CNTNAP2: variants seen among roughly 807,000 people sequenced by gnomAD.
The protein encoded by CNTNAP2 is contactin associated protein 2.
A neutral mutation model predicts 155.2 loss-of-function variants in CNTNAP2; 98 were observed. The observed-to-expected ratio is 0.63, with a 90% CI of 0.54 to 0.75. CNTNAP2 has a LOEUF of 0.75. CNTNAP2 is among the 30% of genes least tolerant of loss of function. The pLI is 0.00. For synonymous variants in CNTNAP2, 651 were observed against 631.2 expected (o/e 1.03, Z -0.47); for missense variants, 1,727 against 1,688.1 (o/e 1.02, Z -0.40).
At chr7:147,265,837 A>G (rs1804595591) in intron 8 of CNTNAP2, among the ~76,000 whole-genome samples, 1 of 152,044 alleles carries the variant, frequency 6.6e-6, no homozygotes, top group African/African-American at 2.4e-5. Context: ...CTTAGGTGAC[A>G]TCTCCAAGTG....
At chr7:148,185,991 A>G (rs927565738) in intron 18 of CNTNAP2, among the ~76,000 whole-genome samples, 1 of 152,238 alleles carries the variant, frequency 6.6e-6, no homozygotes, top group Non-Finnish European at 1.5e-5. Flanking sequence ...TTAAAATATC[A>G]AGGACTATTC....
At chr7:146,899,662 G>A (rs944138162) in intron 3 of CNTNAP2, among the ~76,000 whole-genome samples, 6 of 152,122 alleles carry the variant, frequency 3.9e-5, no homozygotes, top group Admixed American at 2.6e-4. Context: ...ATAGGCTCAC[G>A]GAAGAAGAAC....
chr7:147,393,384 A>G (rs1221471236), intron 9 of CNTNAP2, among the ~76,000 whole-genome samples: 5 of 151,918 alleles, frequency 3.3e-5, no homozygotes. Flanking sequence ...GTATTTATGC[A>G]GCTGCTGTGC....
chr7:146,771,656 A>G (rs1430696507), intron 1 of CNTNAP2, among the ~76,000 whole-genome samples: 1 of 152,182 alleles, frequency 6.6e-6, no homozygotes, highest in Non-Finnish European at 1.5e-5. Context: ...ACTAAGAAAA[A>G]TAAGCAATTT....
At chr7:146,784,375 G>T (rs189217725) in intron 2 of CNTNAP2, among the ~76,000 whole-genome samples, 6 of 152,040 alleles carry the variant, frequency 3.9e-5, no homozygotes, top group African/African-American at 1.4e-4. Flanking sequence ...GGAAGTTTGC[G>T]AATAATTCAT....
chr7:147,269,237 T>C (rs1008714103), intron 8 of CNTNAP2, among the ~76,000 whole-genome samples: 8 of 152,206 alleles, frequency 5.3e-5, no homozygotes, highest in Admixed American at 2.0e-4. Flanking sequence ...AAATGCACTT[T>C]TATTTCTTCT....
intron 8 of CNTNAP2, among the ~76,000 whole-genome samples, chr7:147,229,352 A>G (rs1176379500): frequency 2.0e-5 from 3 of 152,192 alleles, no homozygotes; most frequent in Non-Finnish European, 2.9e-5. Context: ...TTGGTTTTGA[A>G]TCAATAAAAG....
chr7:146,260,472 C>T (rs567603091), intron 1 of CNTNAP2, among the ~76,000 whole-genome samples: 16 of 152,314 alleles, frequency 1.1e-4, no homozygotes, highest in African/African-American at 3.8e-4. Context: ...GGGGCTGTAT[C>T]CTGCAGAGCC....
intron 3 of CNTNAP2, among the ~76,000 whole-genome samples, chr7:146,842,346 T>C (rs1803744365): frequency 6.6e-6 from 1 of 152,170 alleles, no homozygotes; most frequent in African/African-American, 2.4e-5. Context: ...TCTCCCTTTC[T>C]GGTGTTCACT....
At chr7:147,435,890 A>G (rs977905851) in intron 10 of CNTNAP2, among the ~76,000 whole-genome samples, 10 of 152,236 alleles carry the variant, frequency 6.6e-5, no homozygotes, top group Admixed American at 2.0e-4. Flanking sequence ...CTGGCAAATT[A>G]TAAGTATGTA....
chr7:146,765,959 C>T (rs953269568), intron 1 of CNTNAP2, among the ~76,000 whole-genome samples: 5 of 151,814 alleles, frequency 3.3e-5, no homozygotes, highest in Admixed American at 6.6e-5. Flanking sequence ...GCTTAGTGAC[C>T]CAGAGAAGGA....
intron 1 of CNTNAP2, among the ~76,000 whole-genome samples, chr7:146,552,023 G>T (rs573713189): frequency 1.3e-5 from 2 of 152,026 alleles, no homozygotes; most frequent in South Asian, 4.1e-4. Context: ...ACTGGAAATA[G>T]ATAAAAAATG....
chr7:147,804,948 G>A, intron 13 of CNTNAP2, among the ~76,000 whole-genome samples: 1 of 152,176 alleles, frequency 6.6e-6, no homozygotes, highest in East Asian at 1.9e-4. Context: ...ATGAGCATCA[G>A]GGCACTTGTC....
At chr7:148,335,733 C>T (rs1490045201) in intron 21 of CNTNAP2, among the ~76,000 whole-genome samples, 1 of 152,210 alleles carries the variant, frequency 6.6e-6, no homozygotes, top group Non-Finnish European at 1.5e-5. Context: ...CCTTCATCTC[C>T]GTCTGCTGAC....
rs1411242533 is a variant in CNTNAP2, at chr7:147,844,756, T to A, written c.2099-58809T>A. On this transcript the variant is annotated intron_variant, in intron 13 of 23. Transcript: ENST00000361727. Reference sequence around the variant, plus strand: ...TTGTCATAGATAGCTCTTATTATTTTGAAATACGTCCCATCAATACCTAAT... The same window carrying A: ...TTGTCATAGATAGCTCTTATTATTTAGAAATACGTCCCATCAATACCTAAT... 8.8e-5 allele frequency among the ~76,000 whole-genome samples: 5 copies of A among 56,626 alleles called. No homozygotes were observed. In the South Asian group the frequency reaches 4.6e-3, roughly 52 times the overall value. The allele number at this position is 56,626 out of a possible 152,430, so 37.1% of individuals were successfully genotyped here.
chr7:146,551,323 G>A (rs934058417), intron 1 of CNTNAP2, among the ~76,000 whole-genome samples: 5 of 151,948 alleles, frequency 3.3e-5, no homozygotes, highest in Non-Finnish European at 5.9e-5. Context: ...AGTGTGTGAT[G>A]TTCCCCTTCC....
intron 1 of CNTNAP2, among the ~76,000 whole-genome samples, chr7:146,131,379 G>C (rs774149979): frequency 6.6e-6 from 1 of 152,116 alleles, no homozygotes; most frequent in African/African-American, 2.4e-5. Flanking sequence ...AGAGTAAACT[G>C]ATTACTAAAA....
At chr7:147,875,239 T>C (rs1799403369) in intron 13 of CNTNAP2, among the ~76,000 whole-genome samples, 1 of 152,166 alleles carries the variant, frequency 6.6e-6, no homozygotes, top group Non-Finnish European at 1.5e-5. Flanking sequence ...CTGGGTAATT[T>C]ATAAAGGAAA....
intron 1 of CNTNAP2, among the ~76,000 whole-genome samples, chr7:146,143,284 C>G (rs1465037174): frequency 1.3e-5 from 2 of 152,122 alleles, no homozygotes; most frequent in African/African-American, 2.4e-5. Flanking sequence ...AAATAAAGAA[C>G]TGAAACTCAC....
Sources: gnomAD v4.1 joint callset for allele counts (sites outside exome capture counted in the v4.1 genomes callset) on GRCh38, gnomAD v4.1.1 for gene constraint, MANE v1.5 for transcripts, NCBI Gene and HGNC (gene_info 2026-07-23, HGNC 2026-07-21) for gene names.